The following ABCC8 variants were observed in gnomAD, a reference collection of about 807,000 sequenced individuals.
ABCC8 encodes the protein ATP-binding cassette sub-family C member 8.
Under a neutral mutation model 188.0 loss-of-function variants are expected in ABCC8, and 137 were observed. The observed-to-expected ratio is 0.73, with a 90% confidence interval of 0.63 to 0.84. The LOEUF (loss-of-function observed/expected upper bound fraction) is 0.84, where lower values mean the gene tolerates loss of function less well. ABCC8 is among the 40% of genes least tolerant of loss of function. The pLI is 0.00. For synonymous variants in ABCC8, 797 were observed against 846.5 expected (o/e 0.94, Z 1.01); for missense variants, 1,750 against 2,072.7 (o/e 0.84, Z 3.02).
chr11:17,476,585 C>A, intron 1 of ABCC8, 44 bp downstream of exon 1: 3 of 1,600,596 alleles, frequency 1.9e-6, no homozygotes, highest in East Asian at 2.3e-5. Context: ...TCCTCCCTCC[C>A]TGCTCTCCCG....
At chr11:17,425,790 C>A (rs561188538) in intron 16 of ABCC8, among the ~76,000 whole-genome samples, 1 of 152,232 alleles carries the variant, frequency 6.6e-6, no homozygotes, top group African/African-American at 2.4e-5. Context: ...CACCCATCAA[C>A]CCTTCATCTA....
intron 29 of ABCC8, chr11:17,399,089 T>C (rs1345558834): frequency 3.9e-5 from 6 of 155,536 alleles, no homozygotes; most frequent in Non-Finnish European, 7.1e-5. Context: ...GCCAACATGG[T>C]GGAATTCTGT....
In ABCC8 at chr11:17,428,570, C is replaced by T. The variant is rs1471134907; in HGVS notation, c.1918G>A (p.Ala640Thr). 2 of 1,614,102 alleles carry T rather than the reference C, an allele frequency of 1.2e-6. No homozygotes were observed. Among genetic ancestry groups the T allele is most frequent in the South Asian group, 1.1e-5 (1 of 91,084 alleles). Residue 640 changes from alanine to threonine, a missense_variant, in exon 13 of 39, where the codon GCG (alanine) becomes ACG (threonine). Physicochemically the swap from Ala to Thr is moderately conservative, Grantham distance 58. Coordinates refer to ENST00000389817, the MANE Select transcript of ABCC8 (RefSeq NM_000352.6). ...AGGGGAGGCCGGGCACTCACCACCG[C>T]CTGGTACTTGCTGGCTGGGCCCTGA... Reference protein sequence around the residue: ...TPQGPASKYQAVPLRVVNRKR... With the variant: ...TPQGPASKYQTVPLRVVNRKR...
In ABCC8 at chr11:17,448,591, A is replaced by G. The variant is rs773068195; in HGVS notation, c.1257T>C (p.Asn419=). The G allele has an allele frequency of 3.1e-6, 5 of 1,614,204 alleles. No homozygotes were observed. In the South Asian group the frequency reaches 5.5e-5, roughly 18 times the overall value. The change falls in exon 8 of 39, where the codon AAT becomes AAC. Residue 419 remains asparagine (N), a synonymous_variant. Transcript: ENST00000389817. ...GCTGATTGGTGTCGATGGCAACCAGATTACAGATCTGTCCAGCAGTCATTT... is the reference window on the plus strand; with the variant it reads ...GCTGATTGGTGTCGATGGCAACCAGGTTACAGATCTGTCCAGCAGTCATTT... The part of the protein sequence containing the change: ...MGEMTAGQIC[N]LVAIDTNQLM...
intron 26 of ABCC8, chr11:17,406,409 C>T (rs1024187529): frequency 5.0e-6 from 3 of 601,560 alleles, no homozygotes; most frequent in Non-Finnish European, 5.9e-6. Flanking sequence ...AATGAGCTAA[C>T]CACACACAAT....
intron 1 of ABCC8, 50 bp downstream of exon 1, chr11:17,476,579 C>T (rs1344618205): frequency 6.3e-7 from 1 of 1,593,608 alleles, no homozygotes. Flanking sequence ...GCCTCCTCCT[C>T]CCTCCCTGCT....
intron 29 of ABCC8, among the ~76,000 whole-genome samples, chr11:17,400,077 C>T (rs938038218): frequency 6.6e-6 from 1 of 152,198 alleles, no homozygotes. Context: ...TCAGGGGACA[C>T]GGAGGCACCC....
At chr11:17,471,508 G>T (rs1195202593) in intron 2 of ABCC8, among the ~76,000 whole-genome samples, 2 of 152,208 alleles carry the variant, frequency 1.3e-5, no homozygotes, top group East Asian at 1.9e-4. Context: ...AGGACCACAG[G>T]TTTGCTCCAG....
At chr11:17,397,566 C>G in intron 31 of ABCC8, 118 bp downstream of exon 31, 1 of 1,451,794 alleles carries the variant, frequency 6.9e-7, no homozygotes, top group Non-Finnish European at 9.3e-7. Flanking sequence ...GTCCCTCTGG[C>G]ATCAGATGCA....
At chr11:17,421,967 A>G (rs944415610) in intron 16 of ABCC8, among the ~76,000 whole-genome samples, 1 of 152,212 alleles carries the variant, frequency 6.6e-6, no homozygotes, top group African/African-American at 2.4e-5. Flanking sequence ...GCTGAAAAGC[A>G]TCTGAGCAGC....
intron 36 of ABCC8, 148 bp downstream of exon 36, chr11:17,395,024 C>G (rs1206500529): frequency 1.4e-5 from 14 of 1,027,090 alleles, no homozygotes; most frequent in African/African-American, 1.1e-4. Context: ...CTCTCTGGGC[C>G]CCCGTATAGT....
chr11:17,400,231 C>G (rs1277625728), intron 29 of ABCC8, among the ~76,000 whole-genome samples: 1 of 152,166 alleles, frequency 6.6e-6, no homozygotes, highest in African/African-American at 2.4e-5. Context: ...TGCACACCCC[C>G]AGGGTGGAGA....
In ABCC8 at chr11:17,476,520, G is replaced by A; in HGVS notation, c.148+109C>T. ...GGCAGGGGACCCCGGGAACGAGGCG[G>A]ACGGCGGTCGCGGGCCGGAAGGGGA... is the stretch of plus-strand genomic sequence containing the variant. On this transcript the variant is annotated intron_variant, in intron 1 of 38. Coordinates refer to ENST00000389817, the MANE Select transcript of ABCC8 (RefSeq NM_000352.6). 3.6e-6 allele frequency: 5 copies of A among 1,383,468 alleles called. 1 individual carries two copies. Among genetic ancestry groups the A allele is most frequent in the Non-Finnish European group, 4.9e-6 (5 of 1,014,740 alleles). 85.7% of individuals were successfully genotyped at this position (1,383,468 alleles called of 1,614,324 possible).
At chr11:17,452,050 A>G (rs538277177) in intron 7 of ABCC8, among the ~76,000 whole-genome samples, 2 of 152,240 alleles carry the variant, frequency 1.3e-5, no homozygotes, top group Admixed American at 6.5e-5. Context: ...CTCCTGTGTC[A>G]GCCCTGACTC....
At chr11:17,438,793 A>G (rs376389953) in intron 10 of ABCC8, among the ~76,000 whole-genome samples, 1 of 152,142 alleles carries the variant, frequency 6.6e-6, no homozygotes, top group African/African-American at 2.4e-5. Context: ...CCCAGCCCAC[A>G]TGGACTTCCT....
Position 17,407,354 on chromosome 11 carries a change from C to T in ABCC8, c.2920G>A (p.Glu974Lys), listed in dbSNP as rs747674760. ...GLLQDEEEEEEEAAESEEDDN... is the reference protein window; with the variant it reads ...GLLQDEEEEEKEAAESEEDDN... ...TCACTCCCAGTCCCATTGCCTGTACCTTCCTCCTCTTCCTCATCCTGCAGA... is the reference window on the plus strand; with the variant it reads ...TCACTCCCAGTCCCATTGCCTGTACTTTCCTCCTCTTCCTCATCCTGCAGA... Residue 974 changes from glutamate (E) to lysine (K), a missense_variant and splice_region_variant, in exon 24 of 39, where the codon GAG becomes AAG. Glu to Lys is a moderately conservative substitution (Grantham distance 56). Coordinates refer to ENST00000389817, the MANE Select transcript of ABCC8 (RefSeq NM_000352.6). 1 of 1,614,206 alleles carries T rather than the reference C, an allele frequency of 6.2e-7. No individual in the cohort carries two copies. Among genetic ancestry groups the T allele is most frequent in the Non-Finnish European group, 8.5e-7 (1 of 1,180,048 alleles).
At position 17,404,349 on chromosome 11, in the gene ABCC8, C is replaced by T. The variant is rs760135528; in HGVS notation, c.3557+163G>A. On this transcript the variant is annotated intron_variant, in intron 28 of 38. Coordinates refer to ENST00000389817, the MANE Select transcript of ABCC8 (RefSeq NM_000352.6). The surrounding 1 kb of genome is among the most constrained non-coding windows in gnomAD (Gnocchi z 4.7). ...GTGTTGGCAGACTATTATATTAGGG[C>T]GGTGGAATAAGATGTGGATATTTCT... 9.2e-5 allele frequency among the ~76,000 whole-genome samples: 14 copies of T among 152,234 alleles called. No individual in the cohort carries two copies. Among genetic ancestry groups the T allele is most frequent in the Non-Finnish European group, 1.8e-4 (12 of 68,010 alleles).
At chr11:17,454,736 G>A (rs1051118971) in intron 6 of ABCC8, among the ~76,000 whole-genome samples, 1 of 152,120 alleles carries the variant, frequency 6.6e-6, no homozygotes, top group Admixed American at 6.5e-5. Flanking sequence ...GTTTCAGTAG[G>A]GTTAGTGGCT....
chr11:17,423,301 G>A (rs776291452), intron 16 of ABCC8, among the ~76,000 whole-genome samples: 2 of 140,874 alleles, frequency 1.4e-5, no homozygotes, highest in East Asian at 4.3e-4. Flanking sequence ...AGCTTGTGAG[G>A]AGCTGAGATC....
Sources: gnomAD v4.1 joint callset for allele counts (sites outside exome capture counted in the v4.1 genomes callset) on GRCh38, gnomAD v4.1.1 for gene constraint, Gnocchi (gnomAD v3.1) non-coding constraint, MANE v1.5 for transcripts, NCBI Gene and HGNC (gene_info 2026-07-23, HGNC 2026-07-21) for gene names.